Variants in FER observed in about 807,000 individuals in gnomAD.
FER encodes FER tyrosine kinase, also known as tyrosine-protein kinase Fer.
Under a neutral mutation model 111.0 loss-of-function variants are expected in FER, and 63 were observed. The observed-to-expected ratio is 0.57, with a 90% CI of 0.46 to 0.70. FER has a LOEUF of 0.70. Ranked by LOEUF, FER falls within the 30% of genes least tolerant of loss-of-function variation. The pLI is 0.00. For missense variants in FER, 914 were observed against 954.0 expected (o/e 0.96, Z 0.55); for synonymous variants, 327 against 313.9 (o/e 1.04, Z -0.44).
intron 13 of FER, among the ~76,000 whole-genome samples, chr5:109,029,425 CTTTTTTTTTTT>C (rs757282669): frequency 1.9e-5 from 1 of 52,212 alleles, no homozygotes; most frequent in Non-Finnish European, 3.4e-5. Flanking sequence ...ATTCATTGTT[CTTTTTTTTTTT>C]TTTTTTTTTT....
intron 17 of FER, among the ~76,000 whole-genome samples, chr5:109,160,153 C>A (rs1755843374): frequency 1.3e-5 from 2 of 152,124 alleles, no homozygotes; most frequent in Admixed American, 6.6e-5. Flanking sequence ...GAATAGATTT[C>A]TTCCCCTAAA....
intron 17 of FER, among the ~76,000 whole-genome samples, chr5:109,122,741 G>A (rs1227807565): frequency 6.6e-6 from 1 of 152,024 alleles, no homozygotes; most frequent in Non-Finnish European, 1.5e-5. Flanking sequence ...ATATATCTGG[G>A]TGCTCAAGTG....
intron 17 of FER, among the ~76,000 whole-genome samples, chr5:109,176,548 G>T (rs970060098): frequency 6.6e-6 from 1 of 152,114 alleles, no homozygotes; most frequent in Non-Finnish European, 1.5e-5. Flanking sequence ...TATATAGAAA[G>T]AGTTCTGGTG....
At chr5:108,796,505 T>C (rs1756034959) in intron 2 of FER, among the ~76,000 whole-genome samples, 1 of 152,196 alleles carries the variant, frequency 6.6e-6, no homozygotes, top group African/African-American at 2.4e-5. Flanking sequence ...AAATGCTGTC[T>C]GTTAGCCAAG....
At chr5:109,154,521 G>T (rs908273431) in intron 17 of FER, among the ~76,000 whole-genome samples, 4 of 151,740 alleles carry the variant, frequency 2.6e-5, no homozygotes, top group Admixed American at 6.6e-5. Flanking sequence ...AGAATGAGTG[G>T]GTTAAAGAAT....
At chr5:109,023,650 G>A (rs951261970) in intron 13 of FER, among the ~76,000 whole-genome samples, 1 of 148,504 alleles carries the variant, frequency 6.7e-6, no homozygotes, top group African/African-American at 2.4e-5. Flanking sequence ...GTGTTTTGGG[G>A]TTTTTTTGTA....
chr5:108,875,273 G>C (rs983977986), intron 8 of FER, among the ~76,000 whole-genome samples: 86 of 152,028 alleles, frequency 5.7e-4, no homozygotes, highest in African/African-American at 1.8e-3. Flanking sequence ...CTGAAGCTGT[G>C]CACTTCCCAT....
chr5:108,803,002 T>C (rs1756840949), intron 3 of FER, among the ~76,000 whole-genome samples: 1 of 152,080 alleles, frequency 6.6e-6, no homozygotes, highest in Admixed American at 6.6e-5. Context: ...CTCACGAGCA[T>C]GTGTTGTTTT....
At chr5:109,038,303 T>TA (rs1770677707) in intron 14 of FER, among the ~76,000 whole-genome samples, 1 of 151,906 alleles carries the variant, frequency 6.6e-6, no homozygotes, top group South Asian at 2.1e-4. Context: ...AAAAATAGTT[T>TA]AAAATCTATA....
chr5:108,897,673 T>C lies in FER; in HGVS notation c.1061T>C (p.Leu354Pro). ...CEKKSDIVLL[L>P]SQKQALEELK... ...TTCTCTTTTAGTATTGTGCTTCTGC[T>C]AAGCCAAAAACAGGCACTTGAAGAA... The change falls in exon 10 of 20, where the codon CTA (leucine) becomes CCA (proline). Residue 354 changes from leucine (L) to proline (P), a missense_variant. Leu to Pro is a moderately conservative substitution (Grantham distance 98, BLOSUM62 -3). This residue lies in a region of FER where 774 missense variants were observed against 782.6 expected (regional missense o/e 0.99). Transcript: ENST00000281092. 1 of 1,594,852 alleles carries C rather than the reference T, an allele frequency of 6.3e-7. No homozygotes were observed.
In FER at chr5:109,058,693, C is replaced by T. The variant is rs1581842429; in HGVS notation, c.1924+11495C>T. On this transcript the variant is annotated intron_variant, in intron 16 of 19. Transcript: ENST00000281092. The stretch of plus-strand genomic sequence containing the variant: ...ATTTGAAAAATGATATAATTTTGTG[C>T]TATCTTCTTTTTCTTTTTCTTTCTT... 3.1e-5 allele frequency among the ~76,000 whole-genome samples: 4 copies of T among 127,938 alleles called. 1 individual carries two copies. The highest frequency in any genetic ancestry group is 2.6e-4 in the South Asian group (1 of 3,838). The allele number at this position is 127,938 out of a possible 152,430, so 83.9% of individuals were successfully genotyped here. A position where few individuals can be genotyped will look rare whatever the true frequency, so the allele number is the denominator to read the frequency against.
chr5:108,764,870 T>TTTG (rs1173628264), intron 1 of FER, among the ~76,000 whole-genome samples: 1 of 151,742 alleles, frequency 6.6e-6, no homozygotes. Context: ...GGCAAGAGAG[T>TTTG]TGCCTAGGAC....
chr5:109,169,697 A>C (rs539680111), intron 17 of FER, among the ~76,000 whole-genome samples: 1 of 152,202 alleles, frequency 6.6e-6, no homozygotes. Context: ...TGGGACCAAA[A>C]CTACTCTAAA....
intron 16 of FER, among the ~76,000 whole-genome samples, chr5:109,071,295 G>A (rs530287964): frequency 2.6e-5 from 4 of 152,044 alleles, no homozygotes; most frequent in African/African-American, 9.6e-5. Context: ...GATGTCCATG[G>A]AAATGTTTTG....
At chr5:109,184,443 C>T (rs1758637484) in intron 18 of FER, among the ~76,000 whole-genome samples, 1 of 152,052 alleles carries the variant, frequency 6.6e-6, no homozygotes, top group African/African-American at 2.4e-5. Context: ...TTAAAATTAC[C>T]CAACAAAACC....
intron 13 of FER, among the ~76,000 whole-genome samples, chr5:108,988,576 G>A (rs548571392): frequency 6.6e-6 from 1 of 152,172 alleles, no homozygotes; most frequent in African/African-American, 2.4e-5. Context: ...GTACGTAAAG[G>A]TGTTCATAGT....
chr5:108,833,612 C>T (rs899377196), intron 4 of FER, among the ~76,000 whole-genome samples: 2 of 152,020 alleles, frequency 1.3e-5, no homozygotes, highest in Non-Finnish European at 2.9e-5. Context: ...CGGTACCTCA[C>T]ACCTGTAATC....
chr5:108,942,893 A>G (rs1756464795), intron 10 of FER, among the ~76,000 whole-genome samples: 3 of 152,124 alleles, frequency 2.0e-5, no homozygotes, highest in Admixed American at 2.0e-4. Context: ...CTGGAGTTTG[A>G]GCATGAATAT....
In FER at chr5:108,954,828, C is replaced by G; in HGVS notation, c.1429C>G (p.Gln477Glu). Residue 477 changes from glutamine (Q) to glutamate (E), a missense_variant, in exon 12 of 20, where the codon CAA (glutamine) becomes GAA (glutamate). This residue lies in a region of FER where 774 missense variants were observed against 782.6 expected (regional missense o/e 0.99). Coordinates refer to ENST00000281092, the MANE Select transcript of FER (RefSeq NM_005246.4). ...AGAAGCTCAAGAACTGTTAAAAAAA[C>G]AAGGAGACTTTTTGGTGCGAGAGAG... ...RIEAQELLKK[Q>E]GDFLVRESHG... 1 of 1,611,880 alleles carries G rather than the reference C, an allele frequency of 6.2e-7. No individual in the cohort carries two copies. Among genetic ancestry groups the G allele is most frequent in the Non-Finnish European group, 8.5e-7 (1 of 1,178,932 alleles).
Sources: gnomAD v4.1 joint callset for allele counts (sites outside exome capture counted in the v4.1 genomes callset) on GRCh38, gnomAD v4.1.1 for gene constraint, gnomAD v4.1.1 regional missense constraint, MANE v1.5 for transcripts, NCBI Gene and HGNC (gene_info 2026-07-23, HGNC 2026-07-21) for gene names.